Variants in PTPRN2 observed in about 807,000 individuals in gnomAD.
PTPRN2 encodes the protein protein tyrosine phosphatase receptor type N2, also known as receptor-type tyrosine-protein phosphatase N2.
A neutral mutation model predicts 118.8 loss-of-function variants in PTPRN2; 74 were observed. The observed-to-expected ratio is 0.62, with a 90% CI of 0.52 to 0.76. The LOEUF (loss-of-function observed/expected upper bound fraction) is 0.76. Among genes scored for constraint, PTPRN2 ranks in the 30% least tolerant of loss-of-function variants. PTPRN2 has a pLI of 0.00. For synonymous variants in PTPRN2, 641 were observed against 608.0 expected (o/e 1.05, Z -0.80); for missense variants, 1,481 against 1,394.4 (o/e 1.06, Z -0.99).
chr7:157,769,004 G>T (rs1439120192), intron 12 of PTPRN2, among the ~76,000 whole-genome samples: 1 of 152,192 alleles, frequency 6.6e-6, no homozygotes, highest in South Asian at 2.1e-4. Flanking sequence ...CTGGCATCAG[G>T]TTGCACGTGC....
At chr7:158,494,360 C>A (rs1325530355) in intron 1 of PTPRN2, among the ~76,000 whole-genome samples, 1 of 152,246 alleles carries the variant, frequency 6.6e-6, no homozygotes, top group Non-Finnish European at 1.5e-5. Flanking sequence ...CGCCTGACTG[C>A]CATGAGGGCA....
chr7:158,072,670 C>G (rs1812034753), intron 11 of PTPRN2, among the ~76,000 whole-genome samples: 1 of 152,116 alleles, frequency 6.6e-6, no homozygotes, highest in South Asian at 2.1e-4. Flanking sequence ...AGGAACTTTC[C>G]TGGGCTCACC....
In PTPRN2 at chr7:158,162,854, G is replaced by A. The variant is rs558325148; in HGVS notation, c.910+4077C>T. 3.7e-4 allele frequency among the ~76,000 whole-genome samples: 56 copies of A among 152,306 alleles called. No individual in the cohort carries two copies. The South Asian group carries it at 8.9e-3, about 24-fold the overall frequency. On this transcript the variant is annotated intron_variant, in intron 6 of 22. Transcript: ENST00000389418. ...ACTGCTTCTTTGGGAGCAGGTACGC[G>A]TGGGTCTTCTCTCCCACTCTCTGAA...
At chr7:158,023,308 C>T (rs771934261) in intron 11 of PTPRN2, among the ~76,000 whole-genome samples, 2 of 152,028 alleles carry the variant, frequency 1.3e-5, no homozygotes, top group Non-Finnish European at 2.9e-5. Context: ...CTCTCAGACC[C>T]CAGGTGAGTC....
In PTPRN2 at chr7:157,813,123, T is replaced by C. The variant is rs2159469; in HGVS notation, c.1788+85550A>G. Among the ~76,000 whole-genome samples the C allele has an allele frequency of 0.2, 30,584 of 152,012 alleles. 5,166 individuals carry two copies. Among genetic ancestry groups the C allele is most frequent in the African/African-American group, 0.45 (18,708 of 41,372 alleles). ...CTGTGCCGTGCTAAAACCACACGCA[T>C]GGCAGCCTCCCCCAAGCCAACCACC... On this transcript the variant is annotated intron_variant, in intron 12 of 22. Transcript: ENST00000389418. The surrounding 1 kb of genome is among the most constrained non-coding windows in gnomAD (Gnocchi z 4.7).
In PTPRN2 at chr7:157,779,357, T is replaced by A. The variant is rs1037951647; in HGVS notation, c.1789-96420A>T. ...AAGGTCACGTGCTGGTCGCTTGTGC[T>A]GAGCAAGGCCTTGCTTCTCATCTGA... On this transcript the variant is annotated intron_variant, in intron 12 of 22. Coordinates refer to ENST00000389418, the MANE Select transcript of PTPRN2 (RefSeq NM_002847.5). This position sits in a 1 kb window ranked among gnomAD's most constrained non-coding sequence, Gnocchi z 4.7. 2.6e-5 allele frequency among the ~76,000 whole-genome samples: 4 copies of A among 152,184 alleles called. No homozygotes were observed. Among genetic ancestry groups the A allele is most frequent in the African/African-American group, 9.6e-5 (4 of 41,452 alleles).
chr7:157,636,865 A>G (rs889788924), intron 14 of PTPRN2, among the ~76,000 whole-genome samples: 5 of 152,270 alleles, frequency 3.3e-5, no homozygotes, highest in African/African-American at 1.2e-4. Context: ...TTGGATAATC[A>G]AAGTTTAACT....
In PTPRN2 at chr7:158,485,388, C is replaced by T. The variant is rs549698529; in HGVS notation, c.163+4347G>A. 4.5e-4 allele frequency among the ~76,000 whole-genome samples: 59 copies of T among 130,880 alleles called. 1 individual carries two copies. The highest frequency in any genetic ancestry group is 8.5e-4 in the Non-Finnish European group (51 of 60,272). The allele number at this position is 130,880 out of a possible 152,430, so 85.9% of individuals were successfully genotyped here. A position where few individuals can be genotyped will look rare whatever the true frequency, so the allele number is the denominator to read the frequency against. On this transcript the variant is annotated intron_variant, in intron 2 of 22. Transcript: ENST00000389418. Reference sequence around the variant, plus strand: ...GCCACCCCTCTCTGCGCCCCTCCTGCTCGGCCACCCCTCTCTGCGCCCCTC... The same window carrying T: ...GCCACCCCTCTCTGCGCCCCTCCTGTTCGGCCACCCCTCTCTGCGCCCCTC...
chr7:158,223,817 A>G (rs560641546), intron 3 of PTPRN2, among the ~76,000 whole-genome samples: 1 of 152,204 alleles, frequency 6.6e-6, no homozygotes, highest in Admixed American at 6.5e-5. Flanking sequence ...AGCCAGTGCA[A>G]TAGGGCAAGA....
intron 11 of PTPRN2, among the ~76,000 whole-genome samples, chr7:158,019,578 A>G (rs1320686677): frequency 2.0e-5 from 3 of 152,252 alleles, no homozygotes; most frequent in African/African-American, 7.2e-5. Context: ...AAAAATTCAA[A>G]GAATGAAAGA....
chr7:158,547,439 T>C (rs1826357128), intron 1 of PTPRN2, among the ~76,000 whole-genome samples: 7 of 152,034 alleles, frequency 4.6e-5, no homozygotes, highest in Admixed American at 4.6e-4. Flanking sequence ...TCGCTGACTC[T>C]GACAACACTA....
rs1190657945 is a variant in PTPRN2 at position 158,574,291 on chromosome 7, A to G, written c.112+13267T>C. Among the ~76,000 whole-genome samples, 1 of 152,270 alleles carries G rather than the reference A, an allele frequency of 6.6e-6. No individual in the cohort carries two copies. The highest frequency in any genetic ancestry group is 1.5e-5 in the Non-Finnish European group (1 of 68,048). The stretch of plus-strand genomic sequence containing the variant: ...ATTAATAAAAATTTTAGTGAATACA[A>G]AGAAGTTTTTGTATCTTCAGCAAAA... On this transcript the variant is annotated intron_variant, in intron 1 of 22. Coordinates refer to ENST00000389418, the MANE Select transcript of PTPRN2 (RefSeq NM_002847.5). The surrounding 1 kb of genome is among the most constrained non-coding windows in gnomAD (Gnocchi z 4.6).
chr7:158,484,802 T>G (rs1246211426), intron 2 of PTPRN2, among the ~76,000 whole-genome samples: 2 of 152,170 alleles, frequency 1.3e-5, no homozygotes, highest in African/African-American at 4.8e-5. Context: ...CGGACAGCAC[T>G]CCACCATCAC....
intron 2 of PTPRN2, among the ~76,000 whole-genome samples, chr7:158,486,683 C>A (rs1032420296): frequency 1.3e-5 from 2 of 152,184 alleles, no homozygotes; most frequent in Non-Finnish European, 2.9e-5. Context: ...AGGGAGCTGG[C>A]CTAAAACCCT....
At chr7:158,086,375 AC>A (rs1813413119) in intron 10 of PTPRN2, among the ~76,000 whole-genome samples, 1 of 151,770 alleles carries the variant, frequency 6.6e-6, no homozygotes, top group Non-Finnish European at 1.5e-5. Context: ...TCCTCCTTAA[AC>A]CCCTCACTCA....
intron 13 of PTPRN2, among the ~76,000 whole-genome samples, chr7:157,681,100 A>AG (rs141885746): frequency 1.3e-5 from 2 of 151,860 alleles, no homozygotes; most frequent in African/African-American, 2.4e-5. Flanking sequence ...TTCAACCTGC[A>AG]GTTTTTTTTT....
intron 11 of PTPRN2, among the ~76,000 whole-genome samples, chr7:158,053,759 GACGCAGAGACCCCAGAA>G (rs1809514790): frequency 1.3e-5 from 2 of 150,954 alleles, no homozygotes; most frequent in African/African-American, 4.9e-5. Context: ...AGACTCCAGA[GACGCAGAGACCCCAGAA>G]ATGCAGAGAC....
At position 157,874,347 on chromosome 7, in the gene PTPRN2, G is replaced by A. The variant is rs1243656166; in HGVS notation, c.1788+24326C>T. On this transcript the variant is annotated intron_variant, in intron 12 of 22. Transcript: ENST00000389418. The surrounding 1 kb of genome is among the most constrained non-coding windows in gnomAD (Gnocchi z 5.8). The stretch of plus-strand genomic sequence containing the variant: ...GCCCACCTCTCAGCCCATTTTCAAC[G>A]TGACACACGCAGGTGAAGTGGACCT... Among the ~76,000 whole-genome samples, 2 of 152,112 alleles carry A rather than the reference G, an allele frequency of 1.3e-5. No homozygotes were observed. The highest frequency in any genetic ancestry group is 1.9e-4 in the East Asian group (1 of 5,184).
At chr7:158,277,156 C>A (rs771400762) in intron 3 of PTPRN2, among the ~76,000 whole-genome samples, 2 of 151,282 alleles carry the variant, frequency 1.3e-5, no homozygotes, top group Non-Finnish European at 3.0e-5. Context: ...CGCACATACA[C>A]GTGCACATAA....
Sources: gnomAD v4.1 joint callset for allele counts (sites outside exome capture counted in the v4.1 genomes callset) on GRCh38, gnomAD v4.1.1 for gene constraint, Gnocchi (gnomAD v3.1) non-coding constraint, MANE v1.5 for transcripts, NCBI Gene and HGNC (gene_info 2026-07-23, HGNC 2026-07-21) for gene names.